Variants in TTC28 observed in about 807,000 individuals in gnomAD.
The protein encoded by TTC28 is tetratricopeptide repeat domain 28, also known as tetratricopeptide repeat protein 28.
TTC28 carries 61 observed loss-of-function variants against 198.0 expected under a neutral mutation model. That is an observed-to-expected ratio of 0.31 (90% CI 0.25 to 0.38). The LOEUF (loss-of-function observed/expected upper bound fraction) is 0.38, where lower values mean the gene tolerates loss of function less well. Among genes scored for constraint, TTC28 ranks in the 10% least tolerant of loss-of-function variants. The pLI is 1.00. For missense variants in TTC28, 2,678 were observed against 3,164.0 expected (o/e 0.85, Z 3.69); for synonymous variants, 1,171 against 1,297.8 (o/e 0.90, Z 2.10).
intron 2 of TTC28, among the ~76,000 whole-genome samples, chr22:28,531,876 A>T (rs2049148003): frequency 6.6e-6 from 1 of 152,254 alleles, no homozygotes. Flanking sequence ...ACAAAGACAC[A>T]ACATGCCAGA....
intron 5 of TTC28, among the ~76,000 whole-genome samples, chr22:28,188,513 T>C (rs983434961): frequency 6.6e-6 from 1 of 152,038 alleles, no homozygotes; most frequent in Non-Finnish European, 1.5e-5. Flanking sequence ...AAGCAACTTA[T>C]ATAAAAAGGA....
intron 5 of TTC28, among the ~76,000 whole-genome samples, chr22:28,262,914 G>C (rs1478544354): frequency 6.6e-6 from 1 of 152,142 alleles, no homozygotes; most frequent in East Asian, 1.9e-4. Context: ...AGCACACCAA[G>C]AACAGAGTGG....
chr22:28,392,548 G>A (rs1306232301), intron 2 of TTC28, among the ~76,000 whole-genome samples: 8 of 152,320 alleles, frequency 5.3e-5, no homozygotes, highest in African/African-American at 1.7e-4. Flanking sequence ...CTCCTGGTGC[G>A]CCATTTTTTA....
At position 27,983,065 on chromosome 22, in the gene TTC28, C is replaced by T; in HGVS notation, c.6602G>A (p.Ser2201Asn). The stretch of plus-strand genomic sequence containing the variant: ...TGACGCTCTGAAGACAGCAGTGCTG[C>T]TGGGCGCCTGAACGCCGTCTTCAGG... ...NNPEDGVQAPSSTAVFRASET... is the reference protein window; with the variant it reads ...NNPEDGVQAPNSTAVFRASET... The change falls in exon 23 of 23, where the codon AGC becomes AAC. Residue 2201 changes from serine to asparagine, a missense_variant. This residue lies in a region of TTC28 where 622 missense variants were observed against 656.0 expected (regional missense o/e 0.95). Coordinates refer to ENST00000397906, the MANE Select transcript of TTC28 (RefSeq NM_001145418.2). 1 of 1,551,730 alleles carries T rather than the reference C, an allele frequency of 6.4e-7. No homozygotes were observed. Among genetic ancestry groups the T allele is most frequent in the Non-Finnish European group, 8.7e-7 (1 of 1,147,000 alleles).
At position 27,983,154 on chromosome 22, in the gene TTC28, CTG is replaced by C; in HGVS notation, c.6511_6512del (p.Gln2171GlufsTer20). Reference protein sequence around the residue: ...ELAQKILEETQSHLIAVERLQ... With the variant: ...ELAQKILEETXSHLIAVERLQ... ...GACGCTCCACCGCAATGAGATGACT[CTG>C]TGTCTCCTCCAGAATTTTCTGGGCT... is the stretch of plus-strand genomic sequence containing the variant. On this transcript the variant is annotated frameshift_variant, in exon 23 of 23. Transcript: ENST00000397906. LOFTEE classifies it low-confidence loss of function (END_TRUNC). The C allele has an allele frequency of 1.3e-6, 2 of 1,551,844 alleles. No individual in the cohort carries two copies. The highest frequency in any genetic ancestry group is 1.7e-6 in the Non-Finnish European group (2 of 1,147,038).
chr22:28,312,550 A>G (rs924129937), intron 2 of TTC28, among the ~76,000 whole-genome samples: 2 of 152,232 alleles, frequency 1.3e-5, no homozygotes, highest in Admixed American at 1.3e-4. Flanking sequence ...ACTCAAGATT[A>G]AGAATCTCAC....
At chr22:27,992,417 A>T in intron 19 of TTC28, 170 bp downstream of exon 19, 1 of 684,748 alleles carries the variant, frequency 1.5e-6, no homozygotes, top group Non-Finnish European at 2.4e-6. Context: ...GGTAAACAGC[A>T]CTTGCCAGGC....
At chr22:28,091,531 T>C (rs1299806189) in intron 12 of TTC28, among the ~76,000 whole-genome samples, 1 of 151,702 alleles carries the variant, frequency 6.6e-6, no homozygotes, top group East Asian at 1.9e-4. Flanking sequence ...AGTAGAAACA[T>C]GAAAAAGGGA....
At chr22:28,619,869 A>G (rs565347876) in intron 2 of TTC28, among the ~76,000 whole-genome samples, 1 of 152,392 alleles carries the variant, frequency 6.6e-6, no homozygotes, top group East Asian at 1.9e-4. Context: ...TAGATGCTTT[A>G]CAAAGAAATT....
intron 3 of TTC28, among the ~76,000 whole-genome samples, chr22:28,303,509 T>A (rs1014591420): frequency 6.6e-6 from 1 of 152,172 alleles, no homozygotes; most frequent in African/African-American, 2.4e-5. Flanking sequence ...AAAACAGATT[T>A]AATCAGTTAG....
intron 2 of TTC28, among the ~76,000 whole-genome samples, chr22:28,483,432 ACAGT>A (rs1033807113): frequency 1.3e-5 from 2 of 152,176 alleles, no homozygotes; most frequent in Admixed American, 6.5e-5. Flanking sequence ...TACTGACTCA[ACAGT>A]CAGTGAAACT....
At chr22:28,548,868 A>G (rs910307658) in intron 2 of TTC28, among the ~76,000 whole-genome samples, 2 of 152,008 alleles carry the variant, frequency 1.3e-5, no homozygotes, top group Non-Finnish European at 2.9e-5. Context: ...AAATCCTACC[A>G]ATCCTTTAGG....
chr22:28,174,653 C>T (rs1480607329), intron 5 of TTC28, among the ~76,000 whole-genome samples: 1 of 152,140 alleles, frequency 6.6e-6, no homozygotes, highest in Admixed American at 6.5e-5. Context: ...TTTGAGGCTA[C>T]AGGGAGCTAT....
intron 2 of TTC28, among the ~76,000 whole-genome samples, chr22:28,518,955 T>A (rs149187559): frequency 1.5e-4 from 23 of 152,356 alleles, no homozygotes; most frequent in African/African-American, 5.3e-4. Flanking sequence ...GCTGTGCATG[T>A]GCATTGGGCA....
chr22:27,999,048 C>A lies in TTC28; in HGVS notation c.4611G>T (p.Leu1537=). The part of the protein sequence containing the change: ...VATKERVMSA[L]TQAECVHFAT... ...CAAAGTGGACGCATTCAGCCTGGGT[C>A]AGGGCACTCATGACCCTCTCCTTGG... The change falls in exon 16 of 23, where the codon CTG becomes CTT. Residue 1537 remains leucine (L), a synonymous_variant. Coordinates refer to ENST00000397906, the MANE Select transcript of TTC28 (RefSeq NM_001145418.2). 6.5e-7 allele frequency: 1 copy of A among 1,550,356 alleles called. No homozygotes were observed. The highest frequency in any genetic ancestry group is 1.4e-5 in the African/African-American group (1 of 73,180).
intron 2 of TTC28, among the ~76,000 whole-genome samples, chr22:28,586,081 C>T (rs1253265723): frequency 2.6e-5 from 4 of 151,632 alleles, no homozygotes; most frequent in East Asian, 1.9e-4. Context: ...GAGATTGAGA[C>T]CATCCTGGCT....
At chr22:28,369,599 G>C (rs60649660) in intron 2 of TTC28, among the ~76,000 whole-genome samples, 1,943 of 152,194 alleles carry the variant, frequency 0.013, 47 homozygotes, top group African/African-American at 0.044. Context: ...ATTCTTCAAA[G>C]ATTCATGCTT....
intron 16 of TTC28, 198 bp downstream of exon 16, chr22:27,998,342 G>C (rs762550027): frequency 4.5e-6 from 4 of 885,536 alleles, no homozygotes; most frequent in Non-Finnish European, 6.7e-6. Flanking sequence ...TTGCTCCCTG[G>C]TCCAAAGATG....
At chr22:28,049,690 T>A (rs1254647103) in intron 12 of TTC28, among the ~76,000 whole-genome samples, 1 of 152,094 alleles carries the variant, frequency 6.6e-6, no homozygotes, top group Non-Finnish European at 1.5e-5. Flanking sequence ...GGTAAGCATA[T>A]GCAGCTGTGA....
Sources: allele counts gnomAD v4.1 joint callset (sites outside exome capture counted in the v4.1 genomes callset), GRCh38; gene constraint gnomAD v4.1.1; regional missense constraint gnomAD v4.1.1; transcripts MANE v1.5; gene names NCBI Gene and HGNC (gene_info 2026-07-23, HGNC 2026-07-21).